Variants in LAMP1 observed in about 807,000 individuals in gnomAD.
LAMP1 encodes the protein lysosome-associated membrane glycoprotein 1.
LAMP1 carries 7 observed loss-of-function variants against 37.5 expected under a neutral mutation model. That is an observed-to-expected ratio of 0.19 (90% CI 0.11 to 0.35). The LOEUF (loss-of-function observed/expected upper bound fraction) is 0.35, where lower values mean the gene tolerates loss of function less well. Ranked by LOEUF, LAMP1 falls within the 10% of genes least tolerant of loss-of-function variation. The pLI is 1.00. For synonymous variants in LAMP1, 236 were observed against 229.1 expected, an observed-to-expected ratio of 1.03 and a Z score of -0.27; for missense variants, 537 against 552.8, an observed-to-expected ratio of 0.97 and a Z score of 0.29.
Position 113,322,306 on chromosome 13 carries a change from A to G in LAMP1, c.1139A>G (p.Asn380Ser), listed in dbSNP as rs762166003. ...GSVEECLLDE[N>S]SMLIPIAVGG... Reference sequence around the variant, plus strand: ...GTGGAGGAGTGTCTGCTGGACGAGAACAGCATGCTGATCCCCATCGCTGTG... The same window carrying G: ...GTGGAGGAGTGTCTGCTGGACGAGAGCAGCATGCTGATCCCCATCGCTGTG... Residue 380 changes from asparagine (N) to serine (S), a missense_variant, in exon 9 of 9, where the codon AAC (asparagine) becomes AGC (serine). Physicochemically the swap from Asn to Ser is conservative, Grantham distance 46 (BLOSUM62 1). Transcript: ENST00000332556. 18 of 1,613,312 alleles carry G rather than the reference A, an allele frequency of 1.1e-5. 1 individual carries two copies. In the South Asian group the frequency reaches 1.6e-4, roughly 15 times the overall value.
At chr13:113,307,161 T>G (rs1408185480) in intron 2 of LAMP1, among the ~76,000 whole-genome samples, 1 of 38,472 alleles carries the variant, frequency 2.6e-5, no homozygotes, top group Non-Finnish European at 2.5e-4. Context: ...TTTTCTAGTT[T>G]TCTTTTTTTT....
At position 113,322,388 on chromosome 13, in the gene LAMP1, G is replaced by T. The variant is rs371265207; in HGVS notation, c.1221G>T (p.Arg407Ser). 29 of 1,613,772 alleles carry T rather than the reference G, an allele frequency of 1.8e-5. No individual in the cohort carries two copies. The highest frequency in any genetic ancestry group is 2.4e-5 in the Non-Finnish European group (28 of 1,179,814). ...LIVLIAYLVG[R>S]KRSHAGYQTI is the part of the protein sequence containing the mutation. ...TCCTCATCGCCTACCTCGTCGGCAGGAAGAGGAGTCACGCAGGCTACCAGA... is the reference window on the plus strand; with the variant it reads ...TCCTCATCGCCTACCTCGTCGGCAGTAAGAGGAGTCACGCAGGCTACCAGA... Residue 407 changes from arginine (R) to serine (S), a missense_variant, in exon 9 of 9, where the codon AGG becomes AGT. Physicochemically the swap from Arg to Ser is moderately radical, Grantham distance 110. Coordinates refer to ENST00000332556, the MANE Select transcript of LAMP1 (RefSeq NM_005561.4).
At chr13:113,311,609 C>T (rs1315693581) in intron 4 of LAMP1, among the ~76,000 whole-genome samples, 1 of 152,150 alleles carries the variant, frequency 6.6e-6, no homozygotes, top group Non-Finnish European at 1.5e-5. Context: ...CTGAGGAGGT[C>T]AGGGCTGCGA....
chr13:113,306,563 C>G lies in LAMP1; in HGVS notation c.140C>G (p.Ser47Cys). The G allele has an allele frequency of 6.2e-7, 1 of 1,614,130 alleles. No individual in the cohort carries two copies. ...ACCGCGTGCATAATGGCCAACTTCT[C>G]TGCTGCCTTCTCAGTGAACTACGAC... ...NGTACIMANF[S>C]AAFSVNYDTK... Residue 47 changes from serine to cysteine, a missense_variant, in exon 2 of 9, where the codon TCT (serine) becomes TGT (cysteine). Physicochemically the swap from Ser to Cys is moderately radical, Grantham distance 112 (BLOSUM62 -1). Coordinates refer to ENST00000332556, the MANE Select transcript of LAMP1 (RefSeq NM_005561.4).
chr13:113,300,398 A>G (rs1025554769), intron 1 of LAMP1, among the ~76,000 whole-genome samples: 4 of 149,928 alleles, frequency 2.7e-5, no homozygotes, highest in Non-Finnish European at 5.9e-5. Flanking sequence ...AGGCAGGAGA[A>G]TTGCTTGAAC....
Position 113,321,050 on chromosome 13 carries a change from G to T in LAMP1, c.877-354G>T. 3.1e-6 allele frequency: 1 copy of T among 318,772 alleles called. No homozygotes were observed. Among genetic ancestry groups the T allele is most frequent in the South Asian group, 2.9e-5 (1 of 34,206 alleles). 19.7% of individuals were successfully genotyped at this position (318,772 alleles called of 1,614,324 possible). A position where few individuals can be genotyped will look rare whatever the true frequency, so the allele number is the denominator to read the frequency against. On this transcript the variant is annotated intron_variant, in intron 6 of 8. Coordinates refer to ENST00000332556, the MANE Select transcript of LAMP1 (RefSeq NM_005561.4). This position sits in a 1 kb window ranked among gnomAD's most constrained non-coding sequence, Gnocchi z 5.6. ...AAACGAGTTAGCTGGGCGTAGTGGC[G>T]CACACCTGTGGTCCCAGCTACTTGG...
Position 113,323,447 on chromosome 13 carries a change from T to A in LAMP1, c.*1026T>A, listed in dbSNP as rs1762042318. The A allele has an allele frequency of 6.6e-6, 1 of 151,584 alleles. No individual in the cohort carries two copies. The highest frequency in any genetic ancestry group is 2.1e-4 in the South Asian group (1 of 4,762). The allele number at this position is 151,584 out of a possible 1,614,324, so 9.4% of individuals were successfully genotyped here. ...CTTTTTGGGGTGGGCCTTGTCCTTC[T>A]GTCAGCTAAAATGGGAGCTCATGAG... is the stretch of plus-strand genomic sequence containing the variant. On this transcript the variant is annotated 3_prime_UTR_variant, in exon 9 of 9. Transcript: ENST00000332556.
At chr13:113,312,206 C>T (rs1233603031) in intron 4 of LAMP1, among the ~76,000 whole-genome samples, 2 of 152,218 alleles carry the variant, frequency 1.3e-5, no homozygotes, top group Admixed American at 6.5e-5. Context: ...GCCGGTCTTG[C>T]CCACCTCCAA....
intron 2 of LAMP1, 112 bp downstream of exon 2, chr13:113,306,718 A>T: frequency 8.5e-7 from 1 of 1,170,536 alleles, no homozygotes; most frequent in Non-Finnish European, 1.2e-6. Context: ...TGCTTTTCCT[A>T]TCTGCATATC....
At chr13:113,308,204 C>T (rs542218021) in intron 2 of LAMP1, among the ~76,000 whole-genome samples, 12 of 151,508 alleles carry the variant, frequency 7.9e-5, no homozygotes, top group South Asian at 4.2e-4. Context: ...TTAGTAGAGA[C>T]GGGGTTTTGC....
intron 1 of LAMP1, chr13:113,305,576 C>G (rs968520441): frequency 6.6e-6 from 1 of 152,128 alleles, no homozygotes; most frequent in African/African-American, 2.4e-5. Context: ...TAGCAGTGAC[C>G]ACTGTCCAGC....
intron 4 of LAMP1, among the ~76,000 whole-genome samples, chr13:113,312,613 C>T (rs1315860698): frequency 6.6e-6 from 1 of 152,222 alleles, no homozygotes; most frequent in Non-Finnish European, 1.5e-5. Context: ...GAGCTGGGTC[C>T]TCTGTAGGTG....
At chr13:113,312,750 T>G (rs1475996875) in intron 4 of LAMP1, among the ~76,000 whole-genome samples, 3 of 152,096 alleles carry the variant, frequency 2.0e-5, no homozygotes, top group Non-Finnish European at 4.4e-5. Flanking sequence ...GCTAGAGTCC[T>G]CTCACATGGG....
intron 3 of LAMP1, among the ~76,000 whole-genome samples, chr13:113,310,384 G>A (rs2042623783): frequency 6.6e-6 from 1 of 151,942 alleles, no homozygotes; most frequent in African/African-American, 2.4e-5. Context: ...AAATTAGCTG[G>A]GCGTGGTGGC....
In LAMP1 at chr13:113,322,772, G is replaced by T. The variant is rs1261599699; in HGVS notation, c.*351G>T. On this transcript the variant is annotated 3_prime_UTR_variant, in exon 9 of 9. Coordinates refer to ENST00000332556, the MANE Select transcript of LAMP1 (RefSeq NM_005561.4). ...TGGGGGTGCCGCTCTCTCTGAGGGG[G>T]TGGGGGTGCCGCTTTCTCTGAGGGG... is the stretch of plus-strand genomic sequence containing the variant. 1 of 89,088 alleles carries T rather than the reference G, an allele frequency of 1.1e-5. No individual in the cohort carries two copies. The highest frequency in any genetic ancestry group is 2.2e-5 in the Non-Finnish European group (1 of 45,038). 5.5% of individuals were successfully genotyped at this position (89,088 alleles called of 1,614,324 possible).
chr13:113,306,713 T>C, intron 2 of LAMP1, 107 bp downstream of exon 2: 2 of 1,266,440 alleles, frequency 1.6e-6, no homozygotes, highest in Non-Finnish European at 2.2e-6. Flanking sequence ...CATGGTGCTT[T>C]TCCTATCTGC....
intron 4 of LAMP1, among the ~76,000 whole-genome samples, chr13:113,315,563 T>C (rs895027726): frequency 2.0e-5 from 3 of 151,256 alleles, no homozygotes; most frequent in African/African-American, 4.9e-5. Flanking sequence ...TTAATTTTTA[T>C]ATTTTTAGTA....
intron 3 of LAMP1, among the ~76,000 whole-genome samples, chr13:113,310,089 TGTG>T (rs2042621899): frequency 6.6e-6 from 1 of 151,450 alleles, no homozygotes; most frequent in South Asian, 2.1e-4. Context: ...ATTAGCCAGG[TGTG>T]GTGGCGGGCA....
At chr13:113,319,709 C>G (rs2042687029) in intron 5 of LAMP1, 53 bp downstream of exon 5, 1 of 1,533,894 alleles carries the variant, frequency 6.5e-7, no homozygotes, top group Admixed American at 1.8e-5. Flanking sequence ...GGGCTGGAGC[C>G]TCTGCTCCCT....
Sources: allele counts gnomAD v4.1 joint callset (sites outside exome capture counted in the v4.1 genomes callset), GRCh38; gene constraint gnomAD v4.1.1; non-coding constraint Gnocchi (gnomAD v3.1); transcripts MANE v1.5; gene names NCBI Gene and HGNC (gene_info 2026-07-23, HGNC 2026-07-21).